CACNG2: variants seen among roughly 807,000 people sequenced by gnomAD.
CACNG2 encodes calcium voltage-gated channel auxiliary subunit gamma 2.
A neutral mutation model predicts 25.9 loss-of-function variants in CACNG2; 3 were observed. That is an observed-to-expected ratio of 0.12 (90% CI 0.05 to 0.30). The LOEUF (loss-of-function observed/expected upper bound fraction) is 0.30. Ranked by LOEUF, CACNG2 falls within the 10% of genes least tolerant of loss-of-function variation. The pLI, the probability that CACNG2 is intolerant of heterozygous loss-of-function variation, is 1.00. For missense variants in CACNG2, 341 were observed against 432.5 expected (o/e 0.79, Z 1.88); for synonymous variants, 167 against 173.3 (o/e 0.96, Z 0.29).
chr22:36,655,667 T>TTCTTTCTTTC (rs1440739430), intron 1 of CACNG2, among the ~76,000 whole-genome samples: 1 of 152,150 alleles, frequency 6.6e-6, no homozygotes, highest in Non-Finnish European at 1.5e-5. Flanking sequence ...TTTCTTTTCT[T>TTCTTTCTTTC]TCTTTCTCTT....
chr22:36,640,068 A>G (rs1936419898), intron 1 of CACNG2, among the ~76,000 whole-genome samples: 1 of 152,178 alleles, frequency 6.6e-6, no homozygotes, highest in Admixed American at 6.5e-5. Context: ...TCAAGGAAGA[A>G]ATGGTACCAT....
intron 1 of CACNG2, among the ~76,000 whole-genome samples, chr22:36,634,277 AT>A (rs1269904928): frequency 6.6e-6 from 1 of 152,148 alleles, no homozygotes; most frequent in Non-Finnish European, 1.5e-5. Context: ...GCTGTGATGA[AT>A]GGGATGTATG....
At chr22:36,701,367 G>C (rs1197427541) in intron 1 of CACNG2, among the ~76,000 whole-genome samples, 1 of 151,666 alleles carries the variant, frequency 6.6e-6, no homozygotes. Context: ...TTTTTTTTCT[G>C]TGCTTATTAA....
chr22:36,564,409 T>C lies in CACNG2; in HGVS notation c.914A>G (p.Lys305Arg). Residue 305 changes from lysine (K) to arginine (R), a missense_variant, in exon 4 of 4, where the codon AAG becomes AGG. Coordinates refer to ENST00000300105, the MANE Select transcript of CACNG2 (RefSeq NM_006078.5). This position sits in a 1 kb window ranked among gnomAD's most constrained non-coding sequence, Gnocchi z 6.7. ...SFLQVHNCIQ[K>R]ENKDSLHSNT... is the part of the protein sequence containing the mutation. ...GGAGTGGAGAGAGTCCTTGTTCTCC[T>C]TCTGGATACAGTTGTGAACCTGGAG... The C allele has an allele frequency of 6.2e-7, 1 of 1,614,078 alleles. No homozygotes were observed. Among genetic ancestry groups the C allele is most frequent in the Middle Eastern group, 1.6e-4 (1 of 6,062 alleles).
rs776657439 is a variant in CACNG2, at chr22:36,596,605, C to A, written c.212-9057G>T. Among the ~76,000 whole-genome samples, 116 of 152,258 alleles carry A rather than the reference C, an allele frequency of 7.6e-4. 1 individual carries two copies. Among genetic ancestry groups the A allele is most frequent in the Middle Eastern group, 6.8e-3 (2 of 294 alleles). On this transcript the variant is annotated intron_variant, in intron 1 of 3. Transcript: ENST00000300105. ...GGCAGGGTGAGATGAAGTAAGTGGT[C>A]TGTCCTGCCTGCCTGCCATGAATTT...
At chr22:36,701,973 C>T (rs1488997547) in intron 1 of CACNG2, among the ~76,000 whole-genome samples, 1 of 151,904 alleles carries the variant, frequency 6.6e-6, no homozygotes, top group Non-Finnish European at 1.5e-5. Context: ...TTCTTCATTG[C>T]GAAAAGAGAA....
chr22:36,631,072 A>T (rs1032868539), intron 1 of CACNG2, among the ~76,000 whole-genome samples: 1 of 151,850 alleles, frequency 6.6e-6, no homozygotes, highest in Non-Finnish European at 1.5e-5. Flanking sequence ...CTCGTGATCC[A>T]CCCGCCTCGG....
chr22:36,702,259 A>T, intron 1 of CACNG2, 107 bp downstream of exon 1: 1 of 731,442 alleles, frequency 1.4e-6, no homozygotes, highest in South Asian at 1.7e-5. Flanking sequence ...GAGTGAACTA[A>T]GAAAATGGTG....
Position 36,606,179 on chromosome 22 carries a change from A to C in CACNG2, c.212-18631T>G, listed in dbSNP as rs1310028735. Among the ~76,000 whole-genome samples the C allele has an allele frequency of 1.3e-5, 2 of 152,222 alleles. No individual in the cohort carries two copies. The highest frequency in any genetic ancestry group is 2.9e-5 in the Non-Finnish European group (2 of 68,040). ...GTTCCACAGCAGAGAAGGGATCAAT[A>C]CAGACGGATTCCCCGTCCCCCAGAG... On this transcript the variant is annotated intron_variant, in intron 1 of 3. Transcript: ENST00000300105. This position sits in a 1 kb window ranked among gnomAD's most constrained non-coding sequence, Gnocchi z 5.7.
At chr22:36,585,505 T>C (rs1251264251) in intron 2 of CACNG2, 1 of 152,252 alleles carries the variant, frequency 6.6e-6, no homozygotes, top group Middle Eastern at 3.2e-3. Context: ...GTCAGCAAAC[T>C]ATACCAAATG....
chr22:36,566,552 A>T (rs1935130615), intron 2 of CACNG2, 59 bp from the exon 3 acceptor site: 2 of 1,596,110 alleles, frequency 1.3e-6, no homozygotes, highest in African/African-American at 2.7e-5. Flanking sequence ...ACTGAGGCAC[A>T]CAGAGGCAGG....
rs1003028717 is a variant in CACNG2 at position 36,566,358 on chromosome 22, G to A, written c.431C>T (p.Ser144Phe). Residue 144 changes from serine to phenylalanine, a missense_variant, in exon 3 of 4, where the codon TCT becomes TTT. Physicochemically the swap from Ser to Phe is radical, Grantham distance 155 (BLOSUM62 -2). This residue lies in a region of CACNG2 where 169 missense variants were observed against 254.4 expected (regional missense o/e 0.66). Transcript: ENST00000300105. ...ACTGGATCAGTGGCTGTTACCTGCA[G>A]ACACGAAGAAGATGCCGGCACTCAG... is the stretch of plus-strand genomic sequence containing the variant. ...IILSAGIFFV[S>F]AGLSNIIGII... is the part of the protein sequence containing the mutation. 1.9e-6 allele frequency: 3 copies of A among 1,613,962 alleles called. No individual in the cohort carries two copies. Among genetic ancestry groups the A allele is most frequent in the Admixed American group, 3.3e-5 (2 of 60,004 alleles).
At chr22:36,580,342 TC>T (rs1199267872) in intron 2 of CACNG2, among the ~76,000 whole-genome samples, 3 of 152,198 alleles carry the variant, frequency 2.0e-5, no homozygotes, top group South Asian at 4.2e-4. Flanking sequence ...GCTGTTGGCT[TC>T]CCCCAGGCTG....
In CACNG2 at chr22:36,609,344, T is replaced by C. The variant is rs189284159; in HGVS notation, c.212-21796A>G. On this transcript the variant is annotated intron_variant, in intron 1 of 3. Coordinates refer to ENST00000300105, the MANE Select transcript of CACNG2 (RefSeq NM_006078.5). Reference sequence around the variant, plus strand: ...GAGCAGGAATCAGCCCCCTAGAGTGTGATCGGGCAGGAATCAGCCCCCCAG... The same window carrying C: ...GAGCAGGAATCAGCCCCCTAGAGTGCGATCGGGCAGGAATCAGCCCCCCAG... Among the ~76,000 whole-genome samples the C allele has an allele frequency of 3.2e-3, 436 of 135,386 alleles. 7 individuals carry two copies. The highest frequency in any genetic ancestry group is 0.031 in the Admixed American group (403 of 12,932). 88.8% of individuals were successfully genotyped at this position (135,386 alleles called of 152,430 possible).
chr22:36,585,393 T>C (rs1935485103), intron 2 of CACNG2: 1 of 152,170 alleles, frequency 6.6e-6, no homozygotes, highest in African/African-American at 2.4e-5. Context: ...TCTCTCAAGA[T>C]CTAGGTTAGA....
intron 1 of CACNG2, among the ~76,000 whole-genome samples, chr22:36,685,468 A>C (rs1937183516): frequency 6.6e-6 from 1 of 150,460 alleles, no homozygotes; most frequent in Non-Finnish European, 1.5e-5. Context: ...GCTGACTTAG[A>C]CCTGGGGTGG....
At chr22:36,634,975 A>C (rs901616365) in intron 1 of CACNG2, among the ~76,000 whole-genome samples, 1 of 152,204 alleles carries the variant, frequency 6.6e-6, no homozygotes, top group African/African-American at 2.4e-5. Flanking sequence ...GAAGTTACAC[A>C]GGCCATGATG....
chr22:36,573,392 G>A (rs531170825), intron 2 of CACNG2, among the ~76,000 whole-genome samples: 71 of 152,088 alleles, frequency 4.7e-4, no homozygotes, highest in Non-Finnish European at 7.5e-4. Context: ...GAGCAGTGGC[G>A]TGATCTCGGC....
chr22:36,580,075 G>A (rs576879202), intron 2 of CACNG2, among the ~76,000 whole-genome samples: 56 of 152,338 alleles, frequency 3.7e-4, no homozygotes, highest in African/African-American at 1.2e-3. Context: ...GGGCAGGTGC[G>A]AATTGCTGTC....
Sources: gnomAD v4.1 joint callset for allele counts (sites outside exome capture counted in the v4.1 genomes callset) on GRCh38, gnomAD v4.1.1 for gene constraint, gnomAD v4.1.1 regional missense constraint, Gnocchi (gnomAD v3.1) non-coding constraint, MANE v1.5 for transcripts, NCBI Gene and HGNC (gene_info 2026-07-23, HGNC 2026-07-21) for gene names.